MPV17L: variants seen among roughly 807,000 people sequenced by gnomAD.
MPV17L encodes mpv17-like protein.
Under a neutral mutation model 25.8 loss-of-function variants are expected in MPV17L, and 24 were observed. That is an observed-to-expected ratio of 0.93 (90% CI 0.67 to 1.31). MPV17L has a LOEUF of 1.31. MPV17L is among the 50% of genes most tolerant of loss of function. The pLI is 0.00. For synonymous variants in MPV17L, 102 were observed against 115.3 expected (o/e 0.88, Z 0.74); for missense variants, 250 against 265.6 (o/e 0.94, Z 0.41).
chr16:15,400,963 A>G lies in MPV17L; in HGVS notation c.381+106A>G, dbSNP rs180707010. On this transcript the variant is annotated intron_variant, in intron 2 of 3. Coordinates refer to ENST00000396385, the MANE Select transcript of MPV17L (RefSeq NM_001128423.2). Reference sequence around the variant, plus strand: ...TGTTTATATTTATAAAGATTAAAAAATCTTTTAATTGACACATATAAGTAC... The same window carrying G: ...TGTTTATATTTATAAAGATTAAAAAGTCTTTTAATTGACACATATAAGTAC... The G allele has an allele frequency of 4.7e-3, 3,339 of 717,130 alleles. 17 individuals carry two copies. Among genetic ancestry groups the G allele is most frequent in the Non-Finnish European group, 5.9e-3 (3,058 of 514,088 alleles). 44.4% of individuals were successfully genotyped at this position (717,130 alleles called of 1,614,324 possible). A position where few individuals can be genotyped will look rare whatever the true frequency, so the allele number is the denominator to read the frequency against.
In MPV17L at chr16:15,411,643, A is replaced by AG. The variant is rs1206941631; in HGVS notation, c.*3532dup. The AG allele has an allele frequency of 6.6e-6, 1 of 152,098 alleles. No individual in the cohort carries two copies. Among genetic ancestry groups the AG allele is most frequent in the Non-Finnish European group, 1.5e-5 (1 of 68,028 alleles). 9.4% of individuals were successfully genotyped at this position (152,098 alleles called of 1,614,324 possible). A position where few individuals can be genotyped will look rare whatever the true frequency, so the allele number is the denominator to read the frequency against. ...GGTCTCTCTTGAAGGAGAGAGCAAA[A>AG]GAGATTTAAATAATAACAATTATAA... On this transcript the variant is annotated 3_prime_UTR_variant, in exon 4 of 4. Transcript: ENST00000396385.
Position 15,405,362 on chromosome 16 carries a change from C to T in MPV17L, c.382-2462C>T, listed in dbSNP as rs561559757. On this transcript the variant is annotated intron_variant, in intron 2 of 3. Transcript: ENST00000396385. ...CAACCTGGCCCGCATAGTGAGGCCT[C>T]GTCTGTATTAAGAAAAAAAAAAAAA... Among the ~76,000 whole-genome samples, 19 of 144,522 alleles carry T rather than the reference C, an allele frequency of 1.3e-4. No homozygotes were observed. The South Asian group carries it at 2.6e-3, about 20-fold the overall frequency. The allele number at this position is 144,522 out of a possible 152,430, so 94.8% of individuals were successfully genotyped here.
At chr16:15,407,446 T>C (rs905223389) in intron 2 of MPV17L, among the ~76,000 whole-genome samples, 1 of 152,042 alleles carries the variant, frequency 6.6e-6, no homozygotes, top group Admixed American at 6.6e-5. Flanking sequence ...TTTTGTGTGG[T>C]TAAAAGGTAT....
chr16:15,408,090 C>A lies in MPV17L; in HGVS notation c.569C>A (p.Thr190Lys). 6 of 1,604,866 alleles carry A rather than the reference C, an allele frequency of 3.7e-6. No homozygotes were observed. Among genetic ancestry groups the A allele is most frequent in the Non-Finnish European group, 5.1e-6 (6 of 1,174,694 alleles). Reference protein sequence around the residue: ...TILYTKGTSATEGYPKK With the variant: ...TILYTKGTSAKEGYPKK The stretch of plus-strand genomic sequence containing the variant: ...TTATATACAAAGGGGACCAGTGCCA[C>A]AGAAGGGTACCCGAAGAAATGAGAA... The change falls in exon 4 of 4, where the codon ACA (threonine) becomes AAA (lysine). Residue 190 changes from threonine to lysine, a missense_variant. Thr to Lys is a moderately conservative substitution (Grantham distance 78). Transcript: ENST00000396385.
At chr16:15,401,076 ATATATATATATTTTTTTT>A (rs2050632916) in intron 2 of MPV17L, among the ~76,000 whole-genome samples, 3 of 31,290 alleles carry the variant, frequency 9.6e-5, no homozygotes, top group Non-Finnish European at 2.4e-4. Flanking sequence ...ATATATATAT[ATATATATATATTTTTTTT>A]TTTTTTTTTT....
chr16:15,412,836 TCCCAGAGTG>T lies in MPV17L; in HGVS notation c.*4726_*4734del, dbSNP rs1251661433. The stretch of plus-strand genomic sequence containing the variant: ...ACCTCGTGATCTGCCTGCCTCTGCC[TCCCAGAGTG>T]CTGGGATTACAGGTGTGAGCCACCG... On this transcript the variant is annotated 3_prime_UTR_variant, in exon 4 of 4. Transcript: ENST00000396385. 1.3e-5 allele frequency: 2 copies of T among 151,864 alleles called. No individual in the cohort carries two copies. Among genetic ancestry groups the T allele is most frequent in the Non-Finnish European group, 2.9e-5 (2 of 67,992 alleles). The allele number at this position is 151,864 out of a possible 1,614,324, so 9.4% of individuals were successfully genotyped here.
At chr16:15,399,357 T>G (rs1387252258) in intron 1 of MPV17L, 2 of 452,440 alleles carry the variant, frequency 4.4e-6, no homozygotes, top group Non-Finnish European at 8.9e-6. Flanking sequence ...TTTTACAACC[T>G]TCCTAAAATA....
In MPV17L at chr16:15,395,928, G is replaced by T; in HGVS notation, c.31G>T (p.Ala11Ser). 1 of 1,436,884 alleles carries T rather than the reference G, an allele frequency of 7.0e-7. No individual in the cohort carries two copies. The highest frequency in any genetic ancestry group is 1.4e-5 in the South Asian group (1 of 69,334). 89.0% of individuals were successfully genotyped at this position (1,436,884 alleles called of 1,614,324 possible). A position where few individuals can be genotyped will look rare whatever the true frequency, so the allele number is the denominator to read the frequency against. The change falls in exon 1 of 4, where the codon GCG (alanine) becomes TCG (serine). Residue 11 changes from alanine to serine, a missense_variant. Ala to Ser is a moderately conservative substitution (Grantham distance 99, BLOSUM62 1). Transcript: ENST00000396385. MAGWWPALSR[A>S]ARRHPWPTNV... ...GGGCTGGTGGCCGGCGTTGTCGCGC[G>T]CGGCCCGGCGCCACCCGTGGCCCAC...
chr16:15,396,668 G>A (rs913410737), intron 1 of MPV17L, among the ~76,000 whole-genome samples: 25 of 152,140 alleles, frequency 1.6e-4, no homozygotes, highest in Non-Finnish European at 7.4e-5. Context: ...CTGCTGTTCA[G>A]AAAATCCACG....
In MPV17L at chr16:15,408,647, G is replaced by T. The variant is rs1260376100; in HGVS notation, c.*535G>T. On this transcript the variant is annotated 3_prime_UTR_variant, in exon 4 of 4. Coordinates refer to ENST00000396385, the MANE Select transcript of MPV17L (RefSeq NM_001128423.2). ...TGTGGTGGAGTCTTGCTGTCTCCCC[G>T]GCTGGAGCGCAGTGGCACGATCGCG... 8.4e-6 allele frequency: 1 copy of T among 119,438 alleles called. No individual in the cohort carries two copies. Among genetic ancestry groups the T allele is most frequent in the African/African-American group, 3.2e-5 (1 of 31,110 alleles). The allele number at this position is 119,438 out of a possible 1,614,324, so 7.4% of individuals were successfully genotyped here. A position where few individuals can be genotyped will look rare whatever the true frequency, so the allele number is the denominator to read the frequency against.
chr16:15,405,472 A>G (rs1248654017), intron 2 of MPV17L, among the ~76,000 whole-genome samples: 1 of 148,176 alleles, frequency 6.7e-6, no homozygotes, highest in Non-Finnish European at 1.5e-5. Context: ...TTTTTGAGAC[A>G]GAGTCTCGTT....
rs2050639903 is a variant in MPV17L, at chr16:15,401,446, C to T, written c.381+589C>T. ...TTGACAGAAGGGTCCAATATTTTGA[C>T]ATAGAAATCTTAAAGTTATTTTGAT... On this transcript the variant is annotated intron_variant, in intron 2 of 3. Coordinates refer to ENST00000396385, the MANE Select transcript of MPV17L (RefSeq NM_001128423.2). Among the ~76,000 whole-genome samples the T allele has an allele frequency of 2.0e-5, 3 of 152,144 alleles. No individual in the cohort carries two copies. The South Asian group carries it at 6.2e-4, about 32-fold the overall frequency.
intron 1 of MPV17L, among the ~76,000 whole-genome samples, chr16:15,396,427 C>A (rs1369170898): frequency 6.6e-6 from 1 of 152,124 alleles, no homozygotes; most frequent in Non-Finnish European, 1.5e-5. Flanking sequence ...GAGGCACTGG[C>A]TGGGGAGCCG....
rs2050747297 is a variant in MPV17L at position 15,412,974 on chromosome 16, T to A, written c.*4862T>A. ...ACGGTCAGTCATCCTTTAAAATTCA[T>A]TTGAAGTTATGAAAAGATAGTTTTT... On this transcript the variant is annotated 3_prime_UTR_variant, in exon 4 of 4. Coordinates refer to ENST00000396385, the MANE Select transcript of MPV17L (RefSeq NM_001128423.2). 1 of 152,206 alleles carries A rather than the reference T, an allele frequency of 6.6e-6. No homozygotes were observed. Among genetic ancestry groups the A allele is most frequent in the African/African-American group, 2.4e-5 (1 of 41,464 alleles). 9.4% of individuals were successfully genotyped at this position (152,206 alleles called of 1,614,324 possible). A position where few individuals can be genotyped will look rare whatever the true frequency, so the allele number is the denominator to read the frequency against.
intron 2 of MPV17L, among the ~76,000 whole-genome samples, chr16:15,403,816 G>A (rs1323034130): frequency 6.6e-6 from 1 of 152,100 alleles, no homozygotes; most frequent in Non-Finnish European, 1.5e-5. Context: ...CTACCCTCAG[G>A]AGAAGAAAGA....
chr16:15,398,050 C>T (rs2050602262), intron 1 of MPV17L, among the ~76,000 whole-genome samples: 1 of 149,194 alleles, frequency 6.7e-6, no homozygotes. Context: ...TCTTTTTCTT[C>T]TTTTTTTTTT....
chr16:15,396,125 C>T lies in MPV17L; in HGVS notation c.228C>T (p.Gly76=), dbSNP rs1325969395. ...WLRLLERALP[G]RAPHALLAKL... ...GCCTGCTGGAGCGCGCGCTCCCGGG[C>T]CGAGCGCCGCACGCCCTGCTGGCCA... Residue 76 remains glycine, a synonymous_variant, in exon 1 of 4, where the codon GGC becomes GGT. Coordinates refer to ENST00000396385, the MANE Select transcript of MPV17L (RefSeq NM_001128423.2). The T allele has an allele frequency of 6.5e-7, 1 of 1,546,650 alleles. No individual in the cohort carries two copies. Among genetic ancestry groups the T allele is most frequent in the African/African-American group, 1.4e-5 (1 of 73,186 alleles).
chr16:15,404,346 T>A (rs1567432463), intron 2 of MPV17L, among the ~76,000 whole-genome samples: 2 of 152,054 alleles, frequency 1.3e-5, no homozygotes, highest in African/African-American at 2.4e-5. Flanking sequence ...CACAGTTAGG[T>A]AATGGCAGCA....
chr16:15,399,729 C>T (rs11075264), intron 1 of MPV17L, among the ~76,000 whole-genome samples: 139,698 of 152,222 alleles, frequency 0.92, 65,333 homozygotes, highest in East Asian at 1. Flanking sequence ...AATTTGTAGT[C>T]GCCAGAGTAT....
Sources: allele counts gnomAD v4.1 joint callset (sites outside exome capture counted in the v4.1 genomes callset), GRCh38; gene constraint gnomAD v4.1.1; transcripts MANE v1.5; gene names NCBI Gene and HGNC (gene_info 2026-07-23, HGNC 2026-07-21).